Variants in DYNC1I1 observed in about 807,000 individuals in gnomAD.
The protein encoded by DYNC1I1 is cytoplasmic dynein 1 intermediate chain 1.
DYNC1I1 carries 43 observed loss-of-function variants against 86.6 expected under a neutral mutation model. The observed-to-expected ratio is 0.50, with a 90% CI of 0.39 to 0.64. The LOEUF (loss-of-function observed/expected upper bound fraction) is 0.64, where lower values mean the gene tolerates loss of function less well. Among genes scored for constraint, DYNC1I1 ranks in the 30% least tolerant of loss-of-function variants. The probability of loss-of-function intolerance (pLI) is 0.00; values close to 1 mark genes in which losing one functional copy is unlikely to be tolerated. For missense variants in DYNC1I1, 604 were observed against 788.8 expected, an observed-to-expected ratio of 0.77 and a Z score of 2.81; for synonymous variants, 262 against 283.7, an observed-to-expected ratio of 0.92 and a Z score of 0.77.
chr7:95,864,422 C>G (rs924880968), intron 5 of DYNC1I1, among the ~76,000 whole-genome samples: 3 of 152,112 alleles, frequency 2.0e-5, no homozygotes, highest in Non-Finnish European at 2.9e-5. Flanking sequence ...TTAGTAAGAC[C>G]TGATTTTTCT....
Position 96,035,722 on chromosome 7 carries a change from G to T in DYNC1I1, c.1334G>T (p.Gly445Val), listed in dbSNP as rs1212513692. Residue 445 changes from glycine to valine, a missense_variant, in exon 13 of 17, where the codon GGT becomes GTT. Gly to Val is a moderately radical substitution (Grantham distance 109). Coordinates refer to ENST00000447467, the MANE Select transcript of DYNC1I1 (RefSeq NM_001135556.2). ...VNNFVVGSEE[G>V]TVYTACRHGS... The stretch of plus-strand genomic sequence containing the variant: ...AACTTCGTGGTTGGCAGTGAGGAAG[G>T]TACAGTCTACACGGCTTGTCGTCAT... The T allele has an allele frequency of 6.8e-6, 11 of 1,611,372 alleles. No individual in the cohort carries two copies. The highest frequency in any genetic ancestry group is 9.3e-6 in the Non-Finnish European group (11 of 1,178,916).
intron 16 of DYNC1I1, among the ~76,000 whole-genome samples, chr7:96,095,286 T>C (rs1317984534): frequency 6.6e-6 from 1 of 152,198 alleles, no homozygotes; most frequent in Admixed American, 6.5e-5. Flanking sequence ...CCATAATCTT[T>C]ACTAGGGCCG....
chr7:96,056,690 A>G (rs920811461), intron 14 of DYNC1I1, among the ~76,000 whole-genome samples: 12 of 152,170 alleles, frequency 7.9e-5, no homozygotes, highest in African/African-American at 2.9e-4. Context: ...CTCTCTATAT[A>G]TATCTATATC....
At chr7:95,808,153 T>G (rs1237643455) in intron 2 of DYNC1I1, among the ~76,000 whole-genome samples, 2 of 152,148 alleles carry the variant, frequency 1.3e-5, no homozygotes, top group African/African-American at 4.8e-5. Flanking sequence ...TGTCACTGAC[T>G]CCCGAGTTTA....
At chr7:96,103,180 G>A (rs889323345), downstream of DYNC1I1, among the ~76,000 whole-genome samples, 18 of 152,232 alleles carry the variant, frequency 1.2e-4, no homozygotes, top group Non-Finnish European at 2.5e-4. Flanking sequence ...AGAGGAAAAC[G>A]TTAGAGTTTG....
At chr7:95,827,443 T>TA (rs1400360745) in intron 4 of DYNC1I1, among the ~76,000 whole-genome samples, 3 of 152,196 alleles carry the variant, frequency 2.0e-5, no homozygotes, top group African/African-American at 7.2e-5. Flanking sequence ...ATGCAATGTT[T>TA]AAAAAATATA....
At chr7:95,794,221 G>C (rs975390425) in intron 1 of DYNC1I1, among the ~76,000 whole-genome samples, 2 of 152,074 alleles carry the variant, frequency 1.3e-5, no homozygotes, top group African/African-American at 4.8e-5. Context: ...CTGTTTTCCG[G>C]TTCCTCTTCT....
intron 11 of DYNC1I1, among the ~76,000 whole-genome samples, chr7:96,031,470 C>G (rs1794805542): frequency 6.6e-6 from 1 of 152,064 alleles, no homozygotes; most frequent in African/African-American, 2.4e-5. Context: ...TTCTTTATCC[C>G]CATTAGTGGA....
chr7:95,773,758 A>G (rs1793769093), intron 1 of DYNC1I1, among the ~76,000 whole-genome samples: 1 of 152,204 alleles, frequency 6.6e-6, no homozygotes. Flanking sequence ...CCAGATTAGC[A>G]AAAAGTATAG....
At chr7:95,882,513 A>T (rs2375056) in intron 6 of DYNC1I1, among the ~76,000 whole-genome samples, 96,879 of 151,982 alleles carry the variant, frequency 0.64, 32,446 homozygotes, top group Non-Finnish European at 0.75. Flanking sequence ...AGCAGAACTA[A>T]ATAGTGTCCC....
chr7:96,064,999 A>G (rs1458000336), intron 14 of DYNC1I1, among the ~76,000 whole-genome samples: 1 of 152,070 alleles, frequency 6.6e-6, no homozygotes, highest in Non-Finnish European at 1.5e-5. Context: ...TTAGTGGTTG[A>G]TGATTAGATG....
intron 4 of DYNC1I1, among the ~76,000 whole-genome samples, chr7:95,825,059 C>T (rs1188525905): frequency 6.6e-6 from 1 of 152,166 alleles, no homozygotes; most frequent in Non-Finnish European, 1.5e-5. Flanking sequence ...CACCCCTTAG[C>T]CCACAGCTTG....
At chr7:95,930,750 C>T (rs943277497) in intron 6 of DYNC1I1, among the ~76,000 whole-genome samples, 2 of 151,974 alleles carry the variant, frequency 1.3e-5, no homozygotes, top group African/African-American at 2.4e-5. Context: ...GTAGGATGTC[C>T]GTAAAGTCCT....
At chr7:96,050,206 G>C (rs1003845877) in intron 14 of DYNC1I1, among the ~76,000 whole-genome samples, 3 of 152,072 alleles carry the variant, frequency 2.0e-5, no homozygotes, top group African/African-American at 4.8e-5. Context: ...GTCTGTATTC[G>C]AGGGGGAATG....
chr7:95,795,983 G>T (rs943982701), intron 1 of DYNC1I1, among the ~76,000 whole-genome samples: 1 of 150,982 alleles, frequency 6.6e-6, no homozygotes, highest in Non-Finnish European at 1.5e-5. Flanking sequence ...AAGCCTACTA[G>T]ATATAATTGA....
rs559125177 is a variant in DYNC1I1, at chr7:95,955,805, A to G, written c.491-21707A>G. 2.6e-5 allele frequency among the ~76,000 whole-genome samples: 4 copies of G among 152,332 alleles called. No individual in the cohort carries two copies. The East Asian group carries it at 7.7e-4, about 29-fold the overall frequency. On this transcript the variant is annotated intron_variant, in intron 6 of 16. Transcript: ENST00000447467. ...CATGACTGTGAACATAGCCTACAGT[A>G]GTTTTCTCATTCACTCTTAATGCAT...
intron 5 of DYNC1I1, among the ~76,000 whole-genome samples, chr7:95,853,923 G>A (rs2600564): frequency 0.51 from 77,604 of 151,970 alleles, 21,880 homozygotes; most frequent in Middle Eastern, 0.65. Flanking sequence ...CTCTTTTTAC[G>A]TTTTGACTTA....
At chr7:95,789,081 TA>T (rs1794222672) in intron 1 of DYNC1I1, among the ~76,000 whole-genome samples, 1 of 152,166 alleles carries the variant, frequency 6.6e-6, no homozygotes. Flanking sequence ...GTCTTGAATT[TA>T]AAAAAATACA....
intron 3 of DYNC1I1, among the ~76,000 whole-genome samples, chr7:95,811,183 T>C (rs1274586476): frequency 6.6e-6 from 1 of 152,194 alleles, no homozygotes; most frequent in Non-Finnish European, 1.5e-5. Flanking sequence ...AGGTAACTTG[T>C]GCATATTTTG....
Sources: gnomAD v4.1 joint callset for allele counts (sites outside exome capture counted in the v4.1 genomes callset) on GRCh38, gnomAD v4.1.1 for gene constraint, MANE v1.5 for transcripts, NCBI Gene and HGNC (gene_info 2026-07-23, HGNC 2026-07-21) for gene names.